Variants in CEP128 observed in about 807,000 individuals in gnomAD.
CEP128 encodes centrosomal protein 128.
CEP128 carries 132 observed loss-of-function variants against 156.7 expected under a neutral mutation model. That is an observed-to-expected ratio of 0.84 (90% CI 0.73 to 0.97). CEP128 has a LOEUF of 0.97. Ranked by LOEUF, CEP128 falls within the 50% of genes least tolerant of loss-of-function variation. CEP128 has a pLI of 0.00. For missense variants in CEP128, 1,252 were observed against 1,281.9 expected, an observed-to-expected ratio of 0.98 and a Z score of 0.36; for synonymous variants, 469 against 448.9, an observed-to-expected ratio of 1.04 and a Z score of -0.57.
chr14:80,955,408 A>T (rs367560399), intron 2 of CEP128: 6 of 541,872 alleles, frequency 1.1e-5, no homozygotes, highest in East Asian at 9.6e-5. Flanking sequence ...GGTGTCAGGG[A>T]ACAGACGGAG....
chr14:80,563,524 C>CTTTTTTTTTTTTTTTTTTTTTTTTTTTT (rs540593415), intron 20 of CEP128, among the ~76,000 whole-genome samples: 1 of 78,872 alleles, frequency 1.3e-5, no homozygotes, highest in Non-Finnish European at 2.2e-5. Context: ...GCCTCCAAAT[C>CTTTTTTTTTTTTTTTTTTTTTTTTTTTT]TTTTTTTTTT....
At position 80,756,879 on chromosome 14, in the gene CEP128, A is replaced by C. The variant is rs1165966154; in HGVS notation, c.2613+13T>G. On this transcript the variant is annotated intron_variant, in intron 18 of 24. Coordinates refer to ENST00000555265, the MANE Select transcript of CEP128 (RefSeq NM_152446.5). ...AAATATTACAATAACTTTAGGATTT[A>C]AAGATTAATTACCTTGCTTTCTGCT... 2 of 1,530,502 alleles carry C rather than the reference A, an allele frequency of 1.3e-6. No individual in the cohort carries two copies. The highest frequency in any genetic ancestry group is 1.8e-6 in the Non-Finnish European group (2 of 1,107,886). 94.8% of individuals were successfully genotyped at this position (1,530,502 alleles called of 1,614,324 possible).
At chr14:80,678,010 C>T (rs1390129087) in intron 19 of CEP128, among the ~76,000 whole-genome samples, 1 of 140,702 alleles carries the variant, frequency 7.1e-6, no homozygotes, top group Non-Finnish European at 1.5e-5. Context: ...TCCTATCCAA[C>T]CTCTACTTTC....
chr14:80,550,900 G>T lies in CEP128; in HGVS notation c.2880+8379C>A, dbSNP rs569928374. Among the ~76,000 whole-genome samples the T allele has an allele frequency of 3.9e-4, 59 of 150,392 alleles. 1 individual carries two copies. Among genetic ancestry groups the T allele is most frequent in the African/African-American group, 1.4e-3 (59 of 41,020 alleles). On this transcript the variant is annotated intron_variant, in intron 21 of 24. Transcript: ENST00000555265. ...TTTCCTCTTCTCCCACACTGAATTA[G>T]TTCACATAATCATAGCTAAATGCTA...
chr14:80,747,152 T>A (rs910648221), intron 18 of CEP128, among the ~76,000 whole-genome samples: 1 of 152,200 alleles, frequency 6.6e-6, no homozygotes, highest in Non-Finnish European at 1.5e-5. Flanking sequence ...AGCAGTGCAA[T>A]TGCTTTAGAA....
Position 80,751,592 on chromosome 14 carries a change from C to T in CEP128, c.2613+5300G>A, listed in dbSNP as rs77152327. ...TATTTAACTACATCAACAAGTATTG[C>T]TAAATAAACCAAAACAGAGAATAAA... On this transcript the variant is annotated intron_variant, in intron 18 of 24. Coordinates refer to ENST00000555265, the MANE Select transcript of CEP128 (RefSeq NM_152446.5). 2.3e-3 allele frequency among the ~76,000 whole-genome samples: 355 copies of T among 151,338 alleles called. 2 individuals are homozygous for T. Among genetic ancestry groups the T allele is most frequent in the African/African-American group, 7.6e-3 (314 of 41,252 alleles).
intron 18 of CEP128, among the ~76,000 whole-genome samples, chr14:80,747,520 T>C (rs1203662510): frequency 3.9e-5 from 6 of 152,278 alleles, no homozygotes; most frequent in African/African-American, 9.6e-5. Flanking sequence ...TATATGATTA[T>C]ATTTATGGCC....
chr14:80,812,692 C>T (rs1159889712), intron 13 of CEP128, among the ~76,000 whole-genome samples: 4 of 152,048 alleles, frequency 2.6e-5, no homozygotes, highest in African/African-American at 9.7e-5. Flanking sequence ...CCTCAGCTTC[C>T]TAACTGGGAT....
chr14:80,519,417 A>G (rs1426823537), intron 23 of CEP128, among the ~76,000 whole-genome samples: 1 of 152,266 alleles, frequency 6.6e-6, no homozygotes, highest in Non-Finnish European at 1.5e-5. Flanking sequence ...AGTGTATGAG[A>G]CAAATGATAC....
At chr14:80,930,502 C>T (rs1447584397) in intron 2 of CEP128, among the ~76,000 whole-genome samples, 1 of 152,140 alleles carries the variant, frequency 6.6e-6, no homozygotes, top group Non-Finnish European at 1.5e-5. Context: ...AATGATGGGA[C>T]AGCAGAAGAT....
Position 80,706,143 on chromosome 14 carries a change from C to T in CEP128, c.2806+36932G>A, listed in dbSNP as rs561186291. Among the ~76,000 whole-genome samples the T allele has an allele frequency of 2.0e-5, 3 of 151,938 alleles. No homozygotes were observed. The South Asian group carries it at 6.2e-4, about 32-fold the overall frequency. ...TTGGAACTTCTAGAAGAAACTTTCC[C>T]TCATCAACCCTTTGGTTACTATAAG... On this transcript the variant is annotated intron_variant, in intron 19 of 24. Transcript: ENST00000555265.
intron 19 of CEP128, among the ~76,000 whole-genome samples, chr14:80,681,752 T>C (rs1896333314): frequency 6.6e-6 from 1 of 152,228 alleles, no homozygotes; most frequent in Non-Finnish European, 1.5e-5. Flanking sequence ...TGCTGAACTG[T>C]GAGTCAATTA....
At chr14:80,893,849 G>A (rs565949902) in intron 8 of CEP128, among the ~76,000 whole-genome samples, 31 of 152,016 alleles carry the variant, frequency 2.0e-4, no homozygotes, top group Middle Eastern at 3.4e-3. Flanking sequence ...GGATTAAAGA[G>A]TCCAGAAACA....
At chr14:80,910,672 T>C (rs1447623657) in intron 4 of CEP128, among the ~76,000 whole-genome samples, 1 of 152,184 alleles carries the variant, frequency 6.6e-6, no homozygotes, top group Non-Finnish European at 1.5e-5. Flanking sequence ...CAGGTAGTTC[T>C]TTATAGCAAT....
chr14:80,560,333 G>A (rs187270419), intron 20 of CEP128, among the ~76,000 whole-genome samples: 10 of 152,304 alleles, frequency 6.6e-5, no homozygotes, highest in South Asian at 2.1e-4. Flanking sequence ...GCTGAGACAG[G>A]AGAATCACTT....
At chr14:80,562,143 G>T (rs1430888577) in intron 20 of CEP128, among the ~76,000 whole-genome samples, 2 of 151,784 alleles carry the variant, frequency 1.3e-5, no homozygotes, top group African/African-American at 4.8e-5. Context: ...AGCCAGGATG[G>T]TCTCGATCTC....
intron 19 of CEP128, among the ~76,000 whole-genome samples, chr14:80,726,704 C>T (rs1280565317): frequency 1.3e-5 from 2 of 152,100 alleles, no homozygotes; most frequent in Non-Finnish European, 2.9e-5. Context: ...TGTAAGCCAT[C>T]GAGCCAAATG....
At chr14:80,791,847 A>C (rs1156598060) in intron 14 of CEP128, among the ~76,000 whole-genome samples, 1 of 152,164 alleles carries the variant, frequency 6.6e-6, no homozygotes, top group Non-Finnish European at 1.5e-5. Context: ...AGTATCTGTC[A>C]CTCTTAAATG....
chr14:80,848,214 A>G (rs1886704429), intron 9 of CEP128, among the ~76,000 whole-genome samples: 1 of 152,226 alleles, frequency 6.6e-6, no homozygotes, highest in South Asian at 2.1e-4. Context: ...TCTGAACATG[A>G]GCGCACAAAC....
Sources: gnomAD v4.1 joint callset for allele counts (sites outside exome capture counted in the v4.1 genomes callset) on GRCh38, gnomAD v4.1.1 for gene constraint, MANE v1.5 for transcripts, NCBI Gene and HGNC (gene_info 2026-07-23, HGNC 2026-07-21) for gene names.